The following SOX5 variants were observed in gnomAD, a reference collection of about 807,000 sequenced individuals.
SOX5 encodes the protein transcription factor SOX-5.
SOX5 carries 9 observed loss-of-function variants against 92.0 expected under a neutral mutation model. The observed-to-expected ratio is 0.10, with a 90% CI of 0.06 to 0.17. The LOEUF (loss-of-function observed/expected upper bound fraction) is 0.17, where lower values mean the gene tolerates loss of function less well. Ranked by LOEUF, SOX5 falls within the 10% of genes least tolerant of loss-of-function variation. SOX5 has a pLI of 1.00. For missense variants in SOX5, 642 were observed against 944.5 expected (o/e 0.68, Z 4.20); for synonymous variants, 344 against 336.3 (o/e 1.02, Z -0.25).
rs542021661 is a variant in SOX5, at chr12:23,792,492, G to A, written c.482-36768C>T. On this transcript the variant is annotated intron_variant, in intron 3 of 14. Transcript: ENST00000451604. ...ACAAAAATTAGCTGGGTGTGGTGGT[G>A]CATGCCTGTAATCCCAGCTATGCAG... is the stretch of plus-strand genomic sequence containing the variant. 2.0e-5 allele frequency among the ~76,000 whole-genome samples: 3 copies of A among 151,388 alleles called. No homozygotes were observed. In the South Asian group the frequency reaches 6.3e-4, roughly 32 times the overall value.
At chr12:24,079,822 A>G (rs545489678) in intron 4 of SOX5, among the ~76,000 whole-genome samples, 1 of 151,970 alleles carries the variant, frequency 6.6e-6, no homozygotes, top group Admixed American at 6.6e-5. Context: ...ATTTTTAAAC[A>G]CCTTTTTTTG....
chr12:24,032,308 T>C (rs764607914), intron 4 of SOX5, among the ~76,000 whole-genome samples: 5 of 151,834 alleles, frequency 3.3e-5, no homozygotes, highest in Admixed American at 1.3e-4. Context: ...GGTTTTATCA[T>C]ACACCATTCT....
chr12:24,531,363 T>C (rs1019161236), intron 1 of SOX5, among the ~76,000 whole-genome samples: 1 of 152,188 alleles, frequency 6.6e-6, no homozygotes, highest in African/African-American at 2.4e-5. Flanking sequence ...TGAAAGACCC[T>C]GTGCATTTTT....
At chr12:24,419,952 A>G (rs1965663017) in intron 1 of SOX5, among the ~76,000 whole-genome samples, 1 of 152,262 alleles carries the variant, frequency 6.6e-6, no homozygotes, top group African/African-American at 2.4e-5. Context: ...AAACTGTGAA[A>G]GAAGACTCTG....
chr12:24,269,188 T>C (rs1201481875), intron 3 of SOX5, among the ~76,000 whole-genome samples: 1 of 152,196 alleles, frequency 6.6e-6, no homozygotes, highest in Non-Finnish European at 1.5e-5. Flanking sequence ...AAAAAGTGAT[T>C]GGATTTGATA....
At chr12:23,654,415 T>G (rs1235455329) in intron 7 of SOX5, among the ~76,000 whole-genome samples, 9 of 152,096 alleles carry the variant, frequency 5.9e-5, no homozygotes, top group Non-Finnish European at 5.9e-5. Flanking sequence ...TTATTATGAT[T>G]TCATTAAAGC....
chr12:24,482,605 AG>A (rs1376292150), intron 1 of SOX5, among the ~76,000 whole-genome samples: 1 of 152,222 alleles, frequency 6.6e-6, no homozygotes, highest in Admixed American at 6.5e-5. Context: ...TTCTACAAAT[AG>A]TATATTTATA....
intron 2 of SOX5, among the ~76,000 whole-genome samples, chr12:24,361,680 A>T (rs1036618558): frequency 1.3e-5 from 2 of 152,146 alleles, no homozygotes; most frequent in Non-Finnish European, 2.9e-5. Flanking sequence ...CATGTGCATA[A>T]ATATACAGGT....
intron 4 of SOX5, among the ~76,000 whole-genome samples, chr12:23,972,515 G>A (rs1254752078): frequency 2.9e-5 from 4 of 135,708 alleles, no homozygotes; most frequent in Non-Finnish European, 1.7e-5. Context: ...CCACCACTAC[G>A]CCTGGCTAAT....
At chr12:23,776,902 A>T (rs1172305163) in intron 3 of SOX5, among the ~76,000 whole-genome samples, 1 of 151,744 alleles carries the variant, frequency 6.6e-6, no homozygotes, top group Non-Finnish European at 1.5e-5. Context: ...GGGGTTGGGG[A>T]CCCCTGATCT....
chr12:24,522,253 T>C (rs576665342), intron 1 of SOX5, among the ~76,000 whole-genome samples: 1 of 151,852 alleles, frequency 6.6e-6, no homozygotes, highest in African/African-American at 2.4e-5. Context: ...GATTTATATA[T>C]CTAGTATAGA....
chr12:24,070,423 C>G (rs1353480021), intron 4 of SOX5, among the ~76,000 whole-genome samples: 1 of 152,020 alleles, frequency 6.6e-6, no homozygotes, highest in Non-Finnish European at 1.5e-5. Context: ...AGAGCAGGTC[C>G]CAGAACTAGG....
rs144297515 is a variant in SOX5 at position 23,778,799 on chromosome 12, A to G, written c.482-23075T>C. On this transcript the variant is annotated intron_variant, in intron 3 of 14. Coordinates refer to ENST00000451604, the MANE Select transcript of SOX5 (RefSeq NM_006940.6). ...GGAAAATTATCATGTCTTCTTCTTC[A>G]TAAGAGAGTGGTGAGACTCAAGGCC... Among the ~76,000 whole-genome samples the G allele has an allele frequency of 3.3e-5, 5 of 152,302 alleles. No individual in the cohort carries two copies. In the East Asian group the frequency reaches 9.7e-4, roughly 29 times the overall value.
At chr12:23,857,198 A>C (rs2096702946) in intron 2 of SOX5, among the ~76,000 whole-genome samples, 1 of 152,216 alleles carries the variant, frequency 6.6e-6, no homozygotes. Flanking sequence ...GAGTCATTTC[A>C]TGAAGGGTCA....
chr12:24,441,964 G>C (rs1415611318), intron 1 of SOX5, among the ~76,000 whole-genome samples: 1 of 152,166 alleles, frequency 6.6e-6, no homozygotes, highest in Non-Finnish European at 1.5e-5. Flanking sequence ...GTGCTTTGTG[G>C]ATTTAAGGAG....
intron 1 of SOX5, among the ~76,000 whole-genome samples, chr12:24,553,229 T>C (rs1194363165): frequency 6.6e-6 from 1 of 152,128 alleles, no homozygotes; most frequent in East Asian, 1.9e-4. Context: ...TCAAATAGAC[T>C]GAAATTCAGG....
At chr12:24,518,830 C>T (rs1950020470) in intron 1 of SOX5, among the ~76,000 whole-genome samples, 1 of 152,134 alleles carries the variant, frequency 6.6e-6, no homozygotes, top group Non-Finnish European at 1.5e-5. Context: ...CACCTGTAGG[C>T]TTTAAAAATC....
At chr12:23,732,802 G>A (rs1044624730) in intron 6 of SOX5, among the ~76,000 whole-genome samples, 1 of 152,080 alleles carries the variant, frequency 6.6e-6, no homozygotes, top group Non-Finnish European at 1.5e-5. Context: ...AGCTCTACCA[G>A]TTTCTAATTG....
rs187933028 is a variant in SOX5, at chr12:23,732,030, T to C, written c.810+2654A>G. Among the ~76,000 whole-genome samples the C allele has an allele frequency of 2.8e-3, 421 of 152,290 alleles. 3 individuals carry two copies. Among genetic ancestry groups the C allele is most frequent in the Non-Finnish European group, 4.1e-3 (278 of 68,014 alleles). The stretch of plus-strand genomic sequence containing the variant: ...TATTTTCAAATATCAAATAAGATAA[T>C]CTATGGTAAATTATTTTGTGAGCAT... On this transcript the variant is annotated intron_variant, in intron 6 of 14. Coordinates refer to ENST00000451604, the MANE Select transcript of SOX5 (RefSeq NM_006940.6).
Sources: gnomAD v4.1 joint callset for allele counts (sites outside exome capture counted in the v4.1 genomes callset) on GRCh38, gnomAD v4.1.1 for gene constraint, MANE v1.5 for transcripts, NCBI Gene and HGNC (gene_info 2026-07-23, HGNC 2026-07-21) for gene names.